Variants in HPS5 observed in about 807,000 individuals in gnomAD.
HPS5 encodes the protein BLOC-2 complex member HPS5.
HPS5 carries 83 observed loss-of-function variants against 128.0 expected under a neutral mutation model. That is an observed-to-expected ratio of 0.65 (90% confidence interval 0.54 to 0.78). The LOEUF (loss-of-function observed/expected upper bound fraction) is 0.78, where lower values mean the gene tolerates loss of function less well. Among genes scored for constraint, HPS5 ranks in the 30% least tolerant of loss-of-function variants. The probability of loss-of-function intolerance (pLI) is 0.00; values close to 1 mark genes in which losing one functional copy is unlikely to be tolerated. For synonymous variants in HPS5, 475 were observed against 470.2 expected (o/e 1.01, Z -0.13); for missense variants, 1,281 against 1,326.2 (o/e 0.97, Z 0.53).
In HPS5 at chr11:18,308,830, A is replaced by G. The variant is rs577378475; in HGVS notation, c.611+116T>C. 1.3e-3 allele frequency: 1,288 copies of G among 964,008 alleles called. 17 individuals carry two copies. Among genetic ancestry groups the G allele is most frequent in the Non-Finnish European group, 1.9e-4 (129 of 668,428 alleles). 59.7% of individuals were successfully genotyped at this position (964,008 alleles called of 1,614,324 possible). On this transcript the variant is annotated intron_variant, in intron 6 of 22. Coordinates refer to ENST00000349215, the MANE Select transcript of HPS5 (RefSeq NM_181507.2). ...GACCCCATCTCAAAAAAAGAAAAAA[A>G]AGAAAAAGAAAAAAAATCTGTATAA...
intron 8 of HPS5, among the ~76,000 whole-genome samples, chr11:18,302,498 C>G (rs1010384357): frequency 1.3e-5 from 2 of 152,160 alleles, no homozygotes; most frequent in African/African-American, 4.8e-5. Flanking sequence ...ACTGTCACAA[C>G]TCTTACTTCT....
chr11:18,286,936 G>C, intron 18 of HPS5: 136 of 598,726 alleles, frequency 2.3e-4, no homozygotes, highest in Middle Eastern at 4.5e-4. Context: ...GAGAAAGAGA[G>C]AGAGAAAGAA....
intron 8 of HPS5, among the ~76,000 whole-genome samples, chr11:18,304,169 C>A (rs1316681199): frequency 6.6e-6 from 1 of 150,674 alleles, no homozygotes; most frequent in South Asian, 2.1e-4. Flanking sequence ...TAGTAACTTT[C>A]ATGAAGAATT....
At chr11:18,319,598 C>T (rs1864066664) in intron 1 of HPS5, among the ~76,000 whole-genome samples, 1 of 152,154 alleles carries the variant, frequency 6.6e-6, no homozygotes, top group African/African-American at 2.4e-5. Context: ...AGTTACAAAA[C>T]ACTTTGAATT....
chr11:18,309,212 T>C (rs1190171805), intron 5 of HPS5, 133 bp from the exon 6 acceptor site: 2 of 854,608 alleles, frequency 2.3e-6, no homozygotes, highest in Non-Finnish European at 3.7e-6. Flanking sequence ...AAACTTAATT[T>C]GCTTGTAAGG....
In HPS5 at chr11:18,286,483, A is replaced by C. The variant is rs764604798; in HGVS notation, c.2837+108T>G. On this transcript the variant is annotated intron_variant, in intron 19 of 22. Coordinates refer to ENST00000349215, the MANE Select transcript of HPS5 (RefSeq NM_181507.2). ...CCTGAGCCTAGGAGGTCAAGGCTGC[A>C]GGAAGCCATGATCTTAGCACCACAT... The C allele has an allele frequency of 2.7e-6, 3 of 1,114,950 alleles. No homozygotes were observed. In the East Asian group the frequency reaches 7.6e-5, roughly 28 times the overall value. 69.1% of individuals were successfully genotyped at this position (1,114,950 alleles called of 1,614,324 possible).
intron 19 of HPS5, 47 bp from the exon 20 acceptor site, chr11:18,285,506 A>G: frequency 7.9e-7 from 1 of 1,266,776 alleles, no homozygotes; most frequent in Non-Finnish European, 1.2e-6. Flanking sequence ...AATAAACTCT[A>G]GAAAATGCTT....
intron 8 of HPS5, among the ~76,000 whole-genome samples, chr11:18,305,060 T>C (rs1862191435): frequency 6.6e-6 from 1 of 152,252 alleles, no homozygotes; most frequent in Non-Finnish European, 1.5e-5. Context: ...ACTATTTTTG[T>C]GCCTGCTTGC....
intron 21 of HPS5, among the ~76,000 whole-genome samples, chr11:18,282,593 A>C (rs1018133348): frequency 7.0e-4 from 107 of 152,150 alleles, no homozygotes; most frequent in African/African-American, 2.5e-3. Context: ...TCAACCACTC[A>C]GTAATTACCC....
chr11:18,296,760 G>C (rs772064544), intron 12 of HPS5, 38 bp downstream of exon 12: 1 of 1,581,250 alleles, frequency 6.3e-7, no homozygotes, highest in Non-Finnish European at 8.7e-7. Flanking sequence ...GAAAATAATG[G>C]CTTCACATCA....
Position 18,278,816 on chromosome 11 carries a change from A to G in HPS5, c.*1066T>C, listed in dbSNP as rs940530452. 4 of 152,618 alleles carry G rather than the reference A, an allele frequency of 2.6e-5. No individual in the cohort carries two copies. The highest frequency in any genetic ancestry group is 7.2e-5 in the African/African-American group (3 of 41,464). 9.5% of individuals were successfully genotyped at this position (152,618 alleles called of 1,614,324 possible). A position where few individuals can be genotyped will look rare whatever the true frequency, so the allele number is the denominator to read the frequency against. On this transcript the variant is annotated 3_prime_UTR_variant, in exon 23 of 23. Coordinates refer to ENST00000349215, the MANE Select transcript of HPS5 (RefSeq NM_181507.2). The stretch of plus-strand genomic sequence containing the variant: ...AATATAACATGCTATGTAAATGTAC[A>G]GGAGCCTGACAAATGACAATCTACT...
At chr11:18,312,528 T>A (rs1381589617) in intron 2 of HPS5, among the ~76,000 whole-genome samples, 1 of 152,234 alleles carries the variant, frequency 6.6e-6, no homozygotes, top group Non-Finnish European at 1.5e-5. Flanking sequence ...TAAAAGTTAT[T>A]AGTTGATTGA....
At chr11:18,297,882 C>T (rs1388102732) in intron 10 of HPS5, among the ~76,000 whole-genome samples, 165 bp from the exon 11 acceptor site, 4 of 152,090 alleles carry the variant, frequency 2.6e-5, no homozygotes, top group Non-Finnish European at 5.9e-5. Context: ...GAGTTCAAGA[C>T]AAGCCTGGCC....
chr11:18,296,860 T>A lies in HPS5; in HGVS notation c.1448A>T (p.Glu483Val). The A allele has an allele frequency of 6.2e-7, 1 of 1,614,088 alleles. No homozygotes were observed. Among genetic ancestry groups the A allele is most frequent in the Non-Finnish European group, 8.5e-7 (1 of 1,179,972 alleles). ...QTLSEDERFK[E>V]FTSQQEEDLP... Reference sequence around the variant, plus strand: ...GTCCTCTTCCTGCTGTGAGGTGAATTCTTTAAATCTCTCATCTTCTGAGAG... The same window carrying A: ...GTCCTCTTCCTGCTGTGAGGTGAATACTTTAAATCTCTCATCTTCTGAGAG... The change falls in exon 12 of 23, where the codon GAA (glutamate) becomes GTA (valine). Residue 483 changes from glutamate to valine, a missense_variant. Coordinates refer to ENST00000349215, the MANE Select transcript of HPS5 (RefSeq NM_181507.2).
chr11:18,308,386 T>A (rs1862599722), intron 6 of HPS5, among the ~76,000 whole-genome samples: 1 of 152,174 alleles, frequency 6.6e-6, no homozygotes, highest in Non-Finnish European at 1.5e-5. Context: ...CCTTTAGCCT[T>A]CTCTCATGGC....
chr11:18,321,460 T>C (rs1392013705), intron 1 of HPS5, among the ~76,000 whole-genome samples: 4 of 152,198 alleles, frequency 2.6e-5, no homozygotes, highest in African/African-American at 7.2e-5. Flanking sequence ...TGGCGACAAA[T>C]GCTTAACCAA....
At chr11:18,280,122 T>C (rs1481142879) in intron 22 of HPS5, among the ~76,000 whole-genome samples, 180 bp from the exon 23 acceptor site, 2 of 152,206 alleles carry the variant, frequency 1.3e-5, no homozygotes, top group African/African-American at 4.8e-5. Context: ...TTGCAAATCA[T>C]GTATCTGATA....
intron 16 of HPS5, 54 bp from the exon 17 acceptor site, chr11:18,288,067 C>A: frequency 6.3e-7 from 1 of 1,595,562 alleles, no homozygotes; most frequent in South Asian, 1.1e-5. Flanking sequence ...CGGAAATATT[C>A]AATTTATGAA....
At chr11:18,292,209 C>CTT (rs5790031) in intron 15 of HPS5, among the ~76,000 whole-genome samples, 190 bp from the exon 16 acceptor site, 1 of 135,772 alleles carries the variant, frequency 7.4e-6, no homozygotes, top group Non-Finnish European at 1.6e-5. Context: ...TAGTGTTTTA[C>CTT]TTTTTTTTTT....
Sources: allele counts gnomAD v4.1 joint callset (sites outside exome capture counted in the v4.1 genomes callset), GRCh38; gene constraint gnomAD v4.1.1; transcripts MANE v1.5; gene names NCBI Gene and HGNC (gene_info 2026-07-23, HGNC 2026-07-21).